Variants in FGD4 observed in about 807,000 individuals in gnomAD.
The protein encoded by FGD4 is FYVE, RhoGEF and PH domain containing 4.
FGD4 carries 42 observed loss-of-function variants against 102.0 expected under a neutral mutation model. That is an observed-to-expected ratio of 0.41 (90% CI 0.32 to 0.53). FGD4 has a LOEUF of 0.53. Ranked by LOEUF, FGD4 falls within the 20% of genes least tolerant of loss-of-function variation. The pLI is 0.21. For missense variants in FGD4, 902 were observed against 1,078.2 expected (o/e 0.84, Z 2.29); for synonymous variants, 380 against 375.7 (o/e 1.01, Z -0.13).
chr12:32,611,081 T>G, intron 9 of FGD4, 56 bp from the exon 10 acceptor site: 1 of 1,604,044 alleles, frequency 6.2e-7, no homozygotes, highest in Non-Finnish European at 8.5e-7. Flanking sequence ...ATAGTATTAT[T>G]AAAGCTACTA....
intron 10 of FGD4, among the ~76,000 whole-genome samples, chr12:32,618,965 G>T (rs977252876): frequency 3.3e-5 from 5 of 152,136 alleles, no homozygotes; most frequent in Non-Finnish European, 7.4e-5. Context: ...AATCATAATT[G>T]CTAAATATTA....
chr12:32,430,821 T>G (rs1474372428), intron 1 of FGD4, among the ~76,000 whole-genome samples: 1 of 152,256 alleles, frequency 6.6e-6, no homozygotes. Flanking sequence ...GACTGGGAAC[T>G]GACTAGGGTG....
intron 1 of FGD4, among the ~76,000 whole-genome samples, chr12:32,495,685 G>T (rs1592013066): frequency 9.7e-6 from 1 of 102,972 alleles, no homozygotes; most frequent in Admixed American, 1.0e-4. Context: ...CACAGAGAGA[G>T]ACTCTGTTTC....
In FGD4 at chr12:32,558,975, GCTAA is replaced by G. The variant is rs1395223085; in HGVS notation, c.167-5156_167-5153del. 4.6e-5 allele frequency among the ~76,000 whole-genome samples: 7 copies of G among 152,190 alleles called. No homozygotes were observed. The South Asian group carries it at 6.2e-4, about 13-fold the overall frequency. Reference sequence around the variant, plus strand: ...AAATCGGATACCTCTCCTTCCCCATGCTAACTAACATACTGTAATTTGTTATGGC... The same window carrying G: ...AAATCGGATACCTCTCCTTCCCCATGCTAACATACTGTAATTTGTTATGGC... On this transcript the variant is annotated intron_variant, in intron 1 of 16. Coordinates refer to ENST00000534526, the MANE Select transcript of FGD4 (RefSeq NM_001370298.3).
At chr12:32,573,182 G>A (rs1945821134) in intron 2 of FGD4, among the ~76,000 whole-genome samples, 1 of 152,052 alleles carries the variant, frequency 6.6e-6, no homozygotes, top group Non-Finnish European at 1.5e-5. Flanking sequence ...TGGAAGCTCC[G>A]CCTCCCGGGT....
Position 32,403,837 on chromosome 12 carries a change from C to T in FGD4, c.166+3878C>T, listed in dbSNP as rs1012471477. The stretch of plus-strand genomic sequence containing the variant: ...GTCTCAATATCATGACCTCGTGATC[C>T]GCCCGCCTCGGCCTCCCAAAGTGCT... On this transcript the variant is annotated intron_variant, in intron 1 of 16. Transcript: ENST00000534526. Among the ~76,000 whole-genome samples, 4 of 152,074 alleles carry T rather than the reference C, an allele frequency of 2.6e-5. No homozygotes were observed. In the South Asian group the frequency reaches 8.3e-4, roughly 32 times the overall value.
rs966725014 is a variant in FGD4 at position 32,618,064 on chromosome 12, A to G, written c.1750-1634A>G. ...GGGAAGGAGAAACATACACATTTAT[A>G]AGATAATCTGTCATGTGAGCGTAAC... On this transcript the variant is annotated intron_variant, in intron 10 of 16. Coordinates refer to ENST00000534526, the MANE Select transcript of FGD4 (RefSeq NM_001370298.3). 1.1e-4 allele frequency among the ~76,000 whole-genome samples: 16 copies of G among 152,252 alleles called. 1 individual carries two copies. Among genetic ancestry groups the G allele is most frequent in the Admixed American group, 2.6e-4 (4 of 15,280 alleles).
chr12:32,572,643 C>T (rs769283161), intron 2 of FGD4, among the ~76,000 whole-genome samples: 1 of 152,224 alleles, frequency 6.6e-6, no homozygotes, highest in Non-Finnish European at 1.5e-5. Flanking sequence ...TCCCTTCTTA[C>T]ATAACTAATT....
At chr12:32,518,431 T>C (rs1940134934) in intron 1 of FGD4, among the ~76,000 whole-genome samples, 1 of 152,044 alleles carries the variant, frequency 6.6e-6, no homozygotes. Context: ...TGAGCCAACA[T>C]AGCGCCATTT....
intron 3 of FGD4, among the ~76,000 whole-genome samples, chr12:32,577,589 G>A (rs1946230294): frequency 6.6e-6 from 1 of 152,158 alleles, no homozygotes; most frequent in South Asian, 2.1e-4. Flanking sequence ...TACAAGTTCT[G>A]GAGAGAAGCC....
intron 1 of FGD4, among the ~76,000 whole-genome samples, chr12:32,540,968 A>G (rs1011436040): frequency 6.6e-6 from 1 of 152,204 alleles, no homozygotes; most frequent in Admixed American, 6.5e-5. Context: ...AATTCGTTAT[A>G]TCATTGAATG....
At chr12:32,524,605 G>A (rs959732832) in intron 1 of FGD4, among the ~76,000 whole-genome samples, 4 of 151,730 alleles carry the variant, frequency 2.6e-5, no homozygotes, top group African/African-American at 9.7e-5. Context: ...TGGGAGGACC[G>A]CTTGAGCCTA....
At chr12:32,583,571 G>A (rs1311288963) in intron 4 of FGD4, among the ~76,000 whole-genome samples, 1 of 152,060 alleles carries the variant, frequency 6.6e-6, no homozygotes. Context: ...TAAGCTGGTG[G>A]GATTGTTGAG....
chr12:32,435,877 A>G (rs1225216820), intron 1 of FGD4, among the ~76,000 whole-genome samples: 2 of 152,240 alleles, frequency 1.3e-5, no homozygotes, highest in Non-Finnish European at 2.9e-5. Context: ...GCCCAAATGC[A>G]ACAGCAAGGA....
At chr12:32,521,390 A>G (rs1045128797) in intron 1 of FGD4, among the ~76,000 whole-genome samples, 2 of 151,500 alleles carry the variant, frequency 1.3e-5, no homozygotes, top group African/African-American at 4.8e-5. Flanking sequence ...AAAAAAAAAA[A>G]GGACATTGCA....
At chr12:32,485,297 T>C (rs1026213527) in intron 1 of FGD4, among the ~76,000 whole-genome samples, 2 of 152,172 alleles carry the variant, frequency 1.3e-5, no homozygotes, top group Non-Finnish European at 2.9e-5. Context: ...TAACCATTCC[T>C]GGAAAAAAAT....
At chr12:32,586,451 A>G (rs532197276) in intron 4 of FGD4, among the ~76,000 whole-genome samples, 2 of 152,332 alleles carry the variant, frequency 1.3e-5, no homozygotes, top group African/African-American at 4.8e-5. Flanking sequence ...GTCACTCTGT[A>G]TCCTGTTTTG....
At chr12:32,637,469 G>C (rs1262798065) in intron 15 of FGD4, among the ~76,000 whole-genome samples, 3 of 151,870 alleles carry the variant, frequency 2.0e-5, no homozygotes, top group Non-Finnish European at 4.4e-5. Context: ...GGTGGTGAGT[G>C]CCTGTAGTCC....
chr12:32,481,712 T>C (rs185103393), intron 1 of FGD4, among the ~76,000 whole-genome samples: 8 of 152,116 alleles, frequency 5.3e-5, no homozygotes, highest in Admixed American at 2.6e-4. Flanking sequence ...TCCTAGCTAC[T>C]TGGGAGGCTG....
Sources: allele counts gnomAD v4.1 joint callset (sites outside exome capture counted in the v4.1 genomes callset), GRCh38; gene constraint gnomAD v4.1.1; transcripts MANE v1.5; gene names NCBI Gene and HGNC (gene_info 2026-07-23, HGNC 2026-07-21).